The following CTNND2 variants were observed in gnomAD, a reference collection of about 807,000 sequenced individuals.
CTNND2 encodes the protein catenin delta-2.
CTNND2 carries 22 observed loss-of-function variants against 144.4 expected under a neutral mutation model. The observed-to-expected ratio is 0.15, with a 90% CI of 0.11 to 0.22. The LOEUF (loss-of-function observed/expected upper bound fraction) is 0.22, where lower values mean the gene tolerates loss of function less well. CTNND2 is among the 10% of genes least tolerant of loss of function. CTNND2 has a pLI of 1.00. For synonymous variants in CTNND2, 751 were observed against 695.6 expected (o/e 1.08, Z -1.25); for missense variants, 1,353 against 1,618.8 (o/e 0.84, Z 2.82).
intron 9 of CTNND2, among the ~76,000 whole-genome samples, chr5:11,237,702 T>C (rs941897268): frequency 6.6e-6 from 1 of 152,184 alleles, no homozygotes; most frequent in Non-Finnish European, 1.5e-5. Context: ...TCTATTCTAG[T>C]ATATTGTTTC....
intron 12 of CTNND2, among the ~76,000 whole-genome samples, chr5:11,130,405 G>A (rs751420479): frequency 2.0e-5 from 3 of 152,150 alleles, no homozygotes; most frequent in Non-Finnish European, 4.4e-5. Context: ...TTGTTCCAGA[G>A]AAGCCCAGAG....
chr5:11,026,356 C>CTTTTTTTTT (rs67196223), intron 16 of CTNND2, among the ~76,000 whole-genome samples: 1 of 117,042 alleles, frequency 8.5e-6, no homozygotes, highest in Non-Finnish European at 1.7e-5. Context: ...CCTTCTTCTT[C>CTTTTTTTTT]TTTTTTTTTT....
At chr5:11,501,111 G>A (rs1770485647) in intron 3 of CTNND2, among the ~76,000 whole-genome samples, 1 of 152,168 alleles carries the variant, frequency 6.6e-6, no homozygotes, top group Non-Finnish European at 1.5e-5. Flanking sequence ...AGAGGACAGG[G>A]TTTATCTAAT....
intron 1 of CTNND2, among the ~76,000 whole-genome samples, chr5:11,868,136 A>G (rs1469562367): frequency 1.3e-5 from 2 of 151,974 alleles, no homozygotes. Flanking sequence ...GCAAGCAGTG[A>G]CGCATGCGCA....
chr5:11,223,298 G>T (rs1409098361), intron 10 of CTNND2, among the ~76,000 whole-genome samples: 3 of 152,152 alleles, frequency 2.0e-5, no homozygotes, highest in Non-Finnish European at 2.9e-5. Flanking sequence ...TACAGTCCTT[G>T]CTCAAAGTCT....
At chr5:11,428,359 C>T (rs1271603244) in intron 3 of CTNND2, among the ~76,000 whole-genome samples, 1 of 152,138 alleles carries the variant, frequency 6.6e-6, no homozygotes, top group African/African-American at 2.4e-5. Context: ...TAAGATCAAG[C>T]CCCAACTCCT....
At chr5:11,887,647 T>C (rs1415117166) in intron 1 of CTNND2, among the ~76,000 whole-genome samples, 1 of 152,234 alleles carries the variant, frequency 6.6e-6, no homozygotes, top group Non-Finnish European at 1.5e-5. Flanking sequence ...TATTGATACA[T>C]TATTATTAAC....
At chr5:11,770,176 C>T (rs183140271) in intron 1 of CTNND2, among the ~76,000 whole-genome samples, 208 of 152,200 alleles carry the variant, frequency 1.4e-3, no homozygotes, top group Non-Finnish European at 1.5e-3. Context: ...GGAGACCTCA[C>T]GGGCATCACA....
At chr5:11,724,738 A>C (rs1289769516) in intron 2 of CTNND2, among the ~76,000 whole-genome samples, 2 of 152,184 alleles carry the variant, frequency 1.3e-5, no homozygotes, top group South Asian at 2.1e-4. Context: ...TCCTATAAAA[A>C]CTATGGACTA....
chr5:11,398,468 T>C (rs1265657073), intron 5 of CTNND2, among the ~76,000 whole-genome samples: 1 of 152,130 alleles, frequency 6.6e-6, no homozygotes, highest in Non-Finnish European at 1.5e-5. Flanking sequence ...TGAAACAACA[T>C]CAAGATATTT....
chr5:11,404,602 CTTTTTTTTTTTTTTTTTTTTTT>C (rs555388304), intron 5 of CTNND2, among the ~76,000 whole-genome samples: 3 of 57,368 alleles, frequency 5.2e-5, no homozygotes, highest in Non-Finnish European at 1.2e-4. Context: ...TATCTGTATT[CTTTTTTTTTTTTTTTTTTTTTT>C]TTTTTTTTTT....
intron 7 of CTNND2, among the ~76,000 whole-genome samples, chr5:11,381,018 A>T (rs1758429632): frequency 6.6e-6 from 1 of 152,078 alleles, no homozygotes. Flanking sequence ...CTCTCAATTG[A>T]TGGTGACTCT....
intron 9 of CTNND2, among the ~76,000 whole-genome samples, chr5:11,290,558 A>G (rs1443646627): frequency 6.6e-6 from 1 of 152,202 alleles, no homozygotes; most frequent in South Asian, 2.1e-4. Context: ...ATAAACACCC[A>G]TCATTTCATG....
intron 11 of CTNND2, among the ~76,000 whole-genome samples, chr5:11,175,880 C>T (rs761259490): frequency 2.6e-5 from 4 of 152,162 alleles, no homozygotes; most frequent in African/African-American, 4.8e-5. Context: ...CCCTCAGCAA[C>T]CCTGGGTGCC....
At chr5:11,096,755 A>G (rs1194271737) in intron 15 of CTNND2, among the ~76,000 whole-genome samples, 1 of 152,074 alleles carries the variant, frequency 6.6e-6, no homozygotes, top group Non-Finnish European at 1.5e-5. Flanking sequence ...AAATAAAGGA[A>G]GAGAGAAAGA....
intron 14 of CTNND2, among the ~76,000 whole-genome samples, chr5:11,102,219 G>C (rs1435353652): frequency 1.3e-5 from 2 of 152,142 alleles, no homozygotes; most frequent in Admixed American, 6.5e-5. Flanking sequence ...GAGTCTTACA[G>C]ATATTACTTC....
intron 1 of CTNND2, among the ~76,000 whole-genome samples, chr5:11,856,754 T>C (rs1795270821): frequency 6.6e-6 from 1 of 152,188 alleles, no homozygotes; most frequent in African/African-American, 2.4e-5. Context: ...ACTGGTAACA[T>C]GGCTGAATCT....
intron 14 of CTNND2, among the ~76,000 whole-genome samples, chr5:11,103,143 A>T (rs548803286): frequency 1.3e-5 from 2 of 151,666 alleles, no homozygotes; most frequent in Non-Finnish European, 2.9e-5. Flanking sequence ...CATCACACCC[A>T]GCTAATTTTT....
At chr5:11,512,413 C>A (rs1007244469) in intron 3 of CTNND2, among the ~76,000 whole-genome samples, 1 of 152,226 alleles carries the variant, frequency 6.6e-6, no homozygotes, top group Non-Finnish European at 1.5e-5. Flanking sequence ...AATTCTGCGG[C>A]TTATCAATTT....
Sources: allele counts gnomAD v4.1 joint callset (sites outside exome capture counted in the v4.1 genomes callset), GRCh38; gene constraint gnomAD v4.1.1; transcripts MANE v1.5; gene names NCBI Gene and HGNC (gene_info 2026-07-23, HGNC 2026-07-21).